Variants in ZNF562 observed in about 807,000 individuals in gnomAD.
ZNF562 encodes the protein zinc finger protein 562.
ZNF562 carries 13 observed loss-of-function variants against 17.5 expected under a neutral mutation model. The ratio of observed to expected loss-of-function variants is 0.74; its 90% confidence interval spans 0.48 to 1.18. The LOEUF is 1.18. ZNF562 is among the 50% of genes most tolerant of loss of function. The pLI, the probability that ZNF562 is intolerant of heterozygous loss-of-function variation, is 0.00. For synonymous variants in ZNF562, 163 were observed against 165.4 expected, an observed-to-expected ratio of 0.99 and a Z score of 0.11; for missense variants, 481 against 498.5, an observed-to-expected ratio of 0.96 and a Z score of 0.33.
rs1173007568 is a variant in ZNF562, at chr19:9,650,570, A to G, written c.*2379T>C. On this transcript the variant is annotated 3_prime_UTR_variant, in exon 6 of 6. Coordinates refer to ENST00000453372, the MANE Select transcript of ZNF562 (RefSeq NM_001130031.2). ...AAAACATGAGGAAGTGGGCACTTAC[A>G]TGCCAGGAAGAGAGCTCTCACTAGA... 4 of 152,172 alleles carry G rather than the reference A, an allele frequency of 2.6e-5. No homozygotes were observed. The East Asian group carries it at 7.7e-4, about 29-fold the overall frequency. 9.4% of individuals were successfully genotyped at this position (152,172 alleles called of 1,614,324 possible). A position where few individuals can be genotyped will look rare whatever the true frequency, so the allele number is the denominator to read the frequency against.
chr19:9,656,689 T>C, intron 4 of ZNF562, 36 bp from the exon 5 acceptor site: 1 of 1,593,662 alleles, frequency 6.3e-7, no homozygotes. Flanking sequence ...TAGTTTAAAA[T>C]TAGTCATTTG....
intron 1 of ZNF562, 194 bp downstream of exon 1, chr19:9,674,821 A>C (rs2044347203): frequency 6.6e-6 from 1 of 152,306 alleles, no homozygotes; most frequent in East Asian, 1.9e-4. Context: ...AGGCGGAACA[A>C]ACACACTTCC....
At position 9,653,251 on chromosome 19, in the gene ZNF562, T is replaced by G. The variant is rs142752695; in HGVS notation, c.979A>C (p.Arg327=). The G allele has an allele frequency of 4.2e-5, 68 of 1,614,108 alleles. No individual in the cohort carries two copies. The highest frequency in any genetic ancestry group is 5.7e-5 in the Non-Finnish European group (67 of 1,180,034). Residue 327 remains arginine (R), a synonymous_variant, in exon 6 of 6, where the codon AGA becomes CGA. Coordinates refer to ENST00000453372, the MANE Select transcript of ZNF562 (RefSeq NM_001130031.2). ...ACATGTTGAGTAAGGTGAGTTGATCTAGTGAAGGCTTTCCCACATTCCGTA... is the reference window on the plus strand; with the variant it reads ...ACATGTTGAGTAAGGTGAGTTGATCGAGTGAAGGCTTTCCCACATTCCGTA... The part of the protein sequence containing the change: ...KCTECGKAFT[R]STHLTQHVRT...
rs550306276 is a variant in ZNF562 at position 9,668,123 on chromosome 19, C to A, written c.-131+6892G>T. On this transcript the variant is annotated intron_variant, in intron 1 of 5. Transcript: ENST00000453372. The stretch of plus-strand genomic sequence containing the variant: ...AGGCATGATGACTCACAATTGTAAT[C>A]CCAGAATTTTGGGAGGCTGAGGTGG... Among the ~76,000 whole-genome samples, 5 of 152,178 alleles carry A rather than the reference C, an allele frequency of 3.3e-5. No individual in the cohort carries two copies. The East Asian group carries it at 9.7e-4, about 29-fold the overall frequency.
chr19:9,659,674 G>A (rs972178387), intron 2 of ZNF562, among the ~76,000 whole-genome samples: 1 of 151,968 alleles, frequency 6.6e-6, no homozygotes, highest in African/African-American at 2.4e-5. Flanking sequence ...GTTGTGTAAA[G>A]GGTAACAGTT....
intron 1 of ZNF562, among the ~76,000 whole-genome samples, chr19:9,662,223 CGT>C (rs1167196272): frequency 2.0e-5 from 3 of 152,102 alleles, no homozygotes; most frequent in Non-Finnish European, 4.4e-5. Flanking sequence ...TCACTAGCCA[CGT>C]GTGTTATTGA....
rs2043630830 is a variant in ZNF562, at chr19:9,659,193, T to C, written c.114+186A>G. 2.0e-5 allele frequency among the ~76,000 whole-genome samples: 3 copies of C among 152,236 alleles called. No homozygotes were observed. In the South Asian group the frequency reaches 6.2e-4, roughly 31 times the overall value. ...AGTAATTACCGAGCTACTGGAATGA[T>C]CTTCAAGTTAACACTTTATGTATAG... On this transcript the variant is annotated intron_variant, in intron 3 of 5. Transcript: ENST00000453372.
intron 1 of ZNF562, among the ~76,000 whole-genome samples, chr19:9,668,600 A>G (rs1460716967): frequency 2.0e-5 from 3 of 152,196 alleles, no homozygotes; most frequent in Non-Finnish European, 2.9e-5. Flanking sequence ...CATCGCAAAA[A>G]TAGAAAAAAA....
At chr19:9,657,169 G>A (rs1228098460) in intron 4 of ZNF562, among the ~76,000 whole-genome samples, 1 of 151,830 alleles carries the variant, frequency 6.6e-6, no homozygotes, top group African/African-American at 2.4e-5. Flanking sequence ...CTGCTTCTGT[G>A]AAAATTACAA....
chr19:9,663,566 T>A (rs2043837981), intron 1 of ZNF562, among the ~76,000 whole-genome samples: 1 of 151,744 alleles, frequency 6.6e-6, no homozygotes, highest in East Asian at 1.9e-4. Flanking sequence ...ACTGTGTAGA[T>A]GGGTTTTTTT....
chr19:9,671,926 T>C (rs564422856), intron 1 of ZNF562, among the ~76,000 whole-genome samples: 7 of 152,206 alleles, frequency 4.6e-5, no homozygotes, highest in Non-Finnish European at 8.8e-5. Flanking sequence ...TTTGAGACTT[T>C]CTGGTCCCCA....
At chr19:9,655,134 G>A (rs2043415728) in intron 5 of ZNF562, among the ~76,000 whole-genome samples, 2 of 151,964 alleles carry the variant, frequency 1.3e-5, no homozygotes, top group Admixed American at 1.3e-4. Context: ...TGGATTACAG[G>A]TGCATGCCAA....
rs1423024065 is a variant in ZNF562 at position 9,650,775 on chromosome 19, T to A, written c.*2174A>T. 1.3e-5 allele frequency: 2 copies of A among 151,872 alleles called. No individual in the cohort carries two copies. Among genetic ancestry groups the A allele is most frequent in the Non-Finnish European group, 2.9e-5 (2 of 67,992 alleles). The allele number at this position is 151,872 out of a possible 1,614,324, so 9.4% of individuals were successfully genotyped here. A position where few individuals can be genotyped will look rare whatever the true frequency, so the allele number is the denominator to read the frequency against. ...AACATGGAGATCAGCCTAACCAACA[T>A]GGAGAAACCCTGTCTCTACTAAAAA... On this transcript the variant is annotated 3_prime_UTR_variant, in exon 6 of 6. Coordinates refer to ENST00000453372, the MANE Select transcript of ZNF562 (RefSeq NM_001130031.2).
chr19:9,644,950 C>G lies in ZNF562; in HGVS notation c.*7999G>C, dbSNP rs2074796802. ...GGCCTTCAGTCCTGCTGACTTCCGG[C>G]CTCCTGAGTCCCTAAGCAGAGGAAT... On this transcript the variant is annotated 3_prime_UTR_variant, in exon 6 of 6. Transcript: ENST00000453372. 6.6e-6 allele frequency: 1 copy of G among 152,198 alleles called. No individual in the cohort carries two copies. The highest frequency in any genetic ancestry group is 2.4e-5 in the African/African-American group (1 of 41,436). 9.4% of individuals were successfully genotyped at this position (152,198 alleles called of 1,614,324 possible).
rs1184995891 is a variant in ZNF562 at position 9,653,447 on chromosome 19, C to A, written c.783G>T (p.Lys261Asn). The A allele has an allele frequency of 1.2e-6, 2 of 1,614,154 alleles. No individual in the cohort carries two copies. The highest frequency in any genetic ancestry group is 1.7e-6 in the Non-Finnish European group (2 of 1,180,020). ...VAVHTGKKSE[K>N]TKNCGKSFTN... ...TGAAGGATTTCCCACAGTTCTTAGT[C>A]TTTTCGGATTTCTTTCCAGTATGAA... Residue 261 changes from lysine to asparagine, a missense_variant, in exon 6 of 6, where the codon AAG becomes AAT. Transcript: ENST00000453372.
rs999442703 is a variant in ZNF562 at position 9,653,090 on chromosome 19, G to A, written c.1140C>T (p.Ala380=). The part of the protein sequence containing the change: ...KPYQCKECGK[A]FNRSSTLTQH... ...GAGTAAGCGTTGAAGATCTATTGAA[G>A]GCTTTCCCACATTCCTTACACTGAT... is the stretch of plus-strand genomic sequence containing the variant. The change falls in exon 6 of 6, where the codon GCC becomes GCT. Residue 380 remains alanine (A), a synonymous_variant. Coordinates refer to ENST00000453372, the MANE Select transcript of ZNF562 (RefSeq NM_001130031.2). The A allele has an allele frequency of 1.2e-6, 2 of 1,610,150 alleles. No homozygotes were observed. The highest frequency in any genetic ancestry group is 1.7e-6 in the Non-Finnish European group (2 of 1,177,990).
chr19:9,663,231 C>T (rs573527174), intron 1 of ZNF562, among the ~76,000 whole-genome samples: 6 of 141,424 alleles, frequency 4.2e-5, no homozygotes, highest in Non-Finnish European at 7.5e-5. Flanking sequence ...AGTGAAACCT[C>T]GTCTCTACTA....
intron 1 of ZNF562, among the ~76,000 whole-genome samples, chr19:9,672,875 G>C (rs770743798): frequency 6.6e-6 from 1 of 151,108 alleles, no homozygotes; most frequent in Non-Finnish European, 1.5e-5. Context: ...CGCCTCCCGG[G>C]TTAAAGTGAT....
chr19:9,656,090 T>C (rs925746919), intron 5 of ZNF562, among the ~76,000 whole-genome samples: 100 of 152,292 alleles, frequency 6.6e-4, no homozygotes, highest in African/African-American at 2.3e-3. Flanking sequence ...CTTGAACTCC[T>C]GGGCTCAAAT....
Sources: gnomAD v4.1 joint callset for allele counts (sites outside exome capture counted in the v4.1 genomes callset) on GRCh38, gnomAD v4.1.1 for gene constraint, MANE v1.5 for transcripts, NCBI Gene and HGNC (gene_info 2026-07-23, HGNC 2026-07-21) for gene names.